FGGY: variants seen among roughly 807,000 people sequenced by gnomAD.
The protein encoded by FGGY is FGGY carbohydrate kinase domain-containing protein.
A neutral mutation model predicts 71.3 loss-of-function variants in FGGY; 72 were observed. That is an observed-to-expected ratio of 1.01 (90% confidence interval 0.84 to 1.23). The LOEUF is 1.23. Among genes scored for constraint, FGGY ranks in the 50% most tolerant of loss-of-function variants. The pLI, the probability that FGGY is intolerant of heterozygous loss-of-function variation, is 0.00. For synonymous variants in FGGY, 251 were observed against 250.3 expected, an observed-to-expected ratio of 1.00 and a Z score of -0.02; for missense variants, 668 against 682.3, an observed-to-expected ratio of 0.98 and a Z score of 0.23.
intron 8 of FGGY, among the ~76,000 whole-genome samples, chr1:59,599,465 C>T (rs889010619): frequency 9.2e-5 from 14 of 151,756 alleles, no homozygotes; most frequent in African/African-American, 2.4e-4. Flanking sequence ...GAGGCCGAGA[C>T]GGGCGGATCA....
chr1:59,677,291 T>C (rs572285986), intron 14 of FGGY, among the ~76,000 whole-genome samples: 2 of 152,358 alleles, frequency 1.3e-5, no homozygotes, highest in Admixed American at 6.5e-5. Context: ...TGGCTTGGTT[T>C]GCAGGGTACC....
chr1:59,602,224 C>T (rs1162126514), intron 8 of FGGY, among the ~76,000 whole-genome samples: 1 of 152,218 alleles, frequency 6.6e-6, no homozygotes, highest in East Asian at 1.9e-4. Context: ...CCTGAAAGCC[C>T]TCCTCTTCTA....
intron 4 of FGGY, among the ~76,000 whole-genome samples, chr1:59,376,676 T>G (rs1056135753): frequency 2.0e-5 from 3 of 152,200 alleles, no homozygotes; most frequent in Non-Finnish European, 4.4e-5. Flanking sequence ...ATTGAGTTCC[T>G]ACTGTGTGTT....
At chr1:59,530,423 A>G (rs1325740781) in intron 7 of FGGY, among the ~76,000 whole-genome samples, 1 of 152,212 alleles carries the variant, frequency 6.6e-6, no homozygotes, top group Non-Finnish European at 1.5e-5. Context: ...ATATGAACAA[A>G]TTATAGTCTC....
At chr1:59,671,934 C>G (rs1260324483) in intron 13 of FGGY, among the ~76,000 whole-genome samples, 2 of 152,142 alleles carry the variant, frequency 1.3e-5, no homozygotes, top group East Asian at 1.9e-4. Context: ...ACTCACATCT[C>G]TGGTTCGCAA....
rs138998170 is a variant in FGGY, at chr1:59,672,089, C to T, written c.1418-1950C>T. 5.3e-4 allele frequency among the ~76,000 whole-genome samples: 80 copies of T among 152,274 alleles called. 1 individual carries two copies. The highest frequency in any genetic ancestry group is 1.8e-3 in the African/African-American group (73 of 41,542). On this transcript the variant is annotated intron_variant, in intron 13 of 15. Coordinates refer to ENST00000303721, the MANE Select transcript of FGGY (RefSeq NM_018291.5). ...ATAGAGAAGGCTTGATGGTCATAGT[C>T]GCACACCCATCTGTATCATTCCTAG...
intron 8 of FGGY, among the ~76,000 whole-genome samples, chr1:59,583,391 T>C (rs1021476248): frequency 1.4e-5 from 2 of 143,406 alleles, no homozygotes; most frequent in African/African-American, 5.5e-5. Context: ...ATAAAGGTCT[T>C]ATTTTTACAT....
chr1:59,593,665 A>G (rs2096484906), intron 8 of FGGY, among the ~76,000 whole-genome samples: 1 of 152,206 alleles, frequency 6.6e-6, no homozygotes, highest in Non-Finnish European at 1.5e-5. Flanking sequence ...CTTCAAGCTG[A>G]TATTATACTA....
At chr1:59,743,676 T>C (rs1479373398) in intron 14 of FGGY, among the ~76,000 whole-genome samples, 1 of 152,080 alleles carries the variant, frequency 6.6e-6, no homozygotes, top group African/African-American at 2.4e-5. Context: ...CTGGATTCCC[T>C]GTGTCTTGTA....
Position 59,762,650 on chromosome 1 carries a change from C to T in FGGY, c.*66C>T, listed in dbSNP as rs2098352771. The T allele has an allele frequency of 9.9e-6, 12 of 1,214,472 alleles. No homozygotes were observed. Among genetic ancestry groups the T allele is most frequent in the Admixed American group, 7.4e-5 (4 of 54,414 alleles). 75.2% of individuals were successfully genotyped at this position (1,214,472 alleles called of 1,614,324 possible). Reference sequence around the variant, plus strand: ...TTGCATTAAAGACTTGTCATTTGATCCATGTTCAAGACCCTTGAGGTATTG... The same window carrying T: ...TTGCATTAAAGACTTGTCATTTGATTCATGTTCAAGACCCTTGAGGTATTG... On this transcript the variant is annotated 3_prime_UTR_variant, in exon 16 of 16. Transcript: ENST00000303721.
At chr1:59,306,910 G>A (rs2043518659) in intron 1 of FGGY, among the ~76,000 whole-genome samples, 1 of 152,190 alleles carries the variant, frequency 6.6e-6, no homozygotes, top group South Asian at 2.1e-4. Flanking sequence ...TATGCTGAGA[G>A]CTGAATAGCT....
intron 7 of FGGY, among the ~76,000 whole-genome samples, chr1:59,544,955 C>T (rs780091394): frequency 6.6e-6 from 1 of 152,202 alleles, no homozygotes; most frequent in Non-Finnish European, 1.5e-5. Context: ...ACCTCCCCAT[C>T]TTCCTTCCCT....
At chr1:59,541,667 G>T (rs991076461) in intron 7 of FGGY, among the ~76,000 whole-genome samples, 1 of 152,078 alleles carries the variant, frequency 6.6e-6, no homozygotes, top group African/African-American at 2.4e-5. Context: ...AATTTAATAG[G>T]AGAAAAATCA....
chr1:59,650,075 C>T (rs534249258), intron 11 of FGGY, among the ~76,000 whole-genome samples: 1 of 148,682 alleles, frequency 6.7e-6, no homozygotes, highest in Non-Finnish European at 1.5e-5. Flanking sequence ...GTATATTGAA[C>T]CAGCCTTGAT....
At chr1:59,445,319 C>G (rs2070991330) in intron 5 of FGGY, among the ~76,000 whole-genome samples, 3 of 152,194 alleles carry the variant, frequency 2.0e-5, no homozygotes, top group African/African-American at 7.2e-5. Flanking sequence ...AGTCCTCTTC[C>G]TCCCTGCTCT....
chr1:59,617,955 A>G (rs989704923), intron 9 of FGGY, among the ~76,000 whole-genome samples: 4 of 152,076 alleles, frequency 2.6e-5, no homozygotes, highest in African/African-American at 7.2e-5. Flanking sequence ...GATGTCACCT[A>G]TGGAAGACAT....
intron 6 of FGGY, among the ~76,000 whole-genome samples, chr1:59,491,926 C>T (rs781685007): frequency 1.4e-4 from 22 of 152,132 alleles, no homozygotes; most frequent in South Asian, 4.2e-4. Context: ...ATAATAGACG[C>T]GTGTCGTTCT....
chr1:59,360,204 C>G (rs907359755), intron 4 of FGGY, among the ~76,000 whole-genome samples: 3 of 151,780 alleles, frequency 2.0e-5, no homozygotes, highest in Admixed American at 6.6e-5. Flanking sequence ...TCACCAGTCC[C>G]TGTTCTGGCA....
intron 5 of FGGY, among the ~76,000 whole-genome samples, chr1:59,435,987 C>T (rs538321996): frequency 1.3e-5 from 2 of 152,130 alleles, no homozygotes; most frequent in Admixed American, 6.5e-5. Context: ...TGTGGCTGGC[C>T]TGGTGTCACA....
Sources: gnomAD v4.1 joint callset for allele counts (sites outside exome capture counted in the v4.1 genomes callset) on GRCh38, gnomAD v4.1.1 for gene constraint, MANE v1.5 for transcripts, NCBI Gene and HGNC (gene_info 2026-07-23, HGNC 2026-07-21) for gene names.